Variants in UBN1 observed in about 807,000 individuals in gnomAD.
The protein encoded by UBN1 is ubinuclein-1.
A neutral mutation model predicts 108.5 loss-of-function variants in UBN1; 17 were observed. The ratio of observed to expected loss-of-function variants is 0.16; its 90% confidence interval spans 0.11 to 0.24. UBN1 has a LOEUF of 0.24. Ranked by LOEUF, UBN1 falls within the 10% of genes least tolerant of loss-of-function variation. UBN1 has a pLI of 1.00. For synonymous variants in UBN1, 726 were observed against 564.2 expected (o/e 1.29, Z -4.07); for missense variants, 1,595 against 1,394.4 (o/e 1.14, Z -2.29).
At position 4,870,661 on chromosome 16, in the gene UBN1, G is replaced by A. The variant is rs184811701; in HGVS notation, c.1430+27G>A. 1.3e-5 allele frequency: 21 copies of A among 1,612,934 alleles called. No individual in the cohort carries two copies. The African/African-American group carries it at 1.7e-4, about 13-fold the overall frequency. On this transcript the variant is annotated intron_variant, in intron 10 of 17. Coordinates refer to ENST00000262376, the MANE Select transcript of UBN1 (RefSeq NM_001079514.3). ...TAAGTTTGTCCTGGCGCTTGCAGGT[G>A]CAACCCTCCCGTCTTGCCTCTTCCC...
At chr16:4,855,968 T>TCTGATTGC (rs1035643249) in intron 2 of UBN1, among the ~76,000 whole-genome samples, 1 of 152,138 alleles carries the variant, frequency 6.6e-6, no homozygotes, top group Non-Finnish European at 1.5e-5. Flanking sequence ...TTGATTGAGA[T>TCTGATTGC]CTGATTGCCT....
intron 8 of UBN1, among the ~76,000 whole-genome samples, chr16:4,869,592 A>G (rs1196736825): frequency 2.0e-5 from 3 of 152,148 alleles, no homozygotes; most frequent in South Asian, 2.1e-4. Flanking sequence ...TGGGTGTTCT[A>G]CCACATGGCC....
In UBN1 at chr16:4,880,161, G is replaced by A; in HGVS notation, c.*29G>A. On this transcript the variant is annotated 3_prime_UTR_variant, in exon 18 of 18. Coordinates refer to ENST00000262376, the MANE Select transcript of UBN1 (RefSeq NM_001079514.3). ...CTTCAGAGGCAAGGCTTGCCACTTG[G>A]GTCTGGGTGGAATCAGAACGTGCAG... 6.2e-7 allele frequency: 1 copy of A among 1,612,858 alleles called. No homozygotes were observed. The highest frequency in any genetic ancestry group is 8.5e-7 in the Non-Finnish European group (1 of 1,179,042).
intron 15 of UBN1, among the ~76,000 whole-genome samples, chr16:4,876,039 A>T (rs148348103): frequency 1.3e-5 from 2 of 151,214 alleles, no homozygotes; most frequent in Admixed American, 1.3e-4. Flanking sequence ...GCTCAGCGCA[A>T]GCTCCACCTC....
chr16:4,870,455 T>C (rs2087571914), intron 9 of UBN1, 61 bp from the exon 10 acceptor site: 1 of 1,611,778 alleles, frequency 6.2e-7, no homozygotes, highest in Non-Finnish European at 8.5e-7. Flanking sequence ...CACCCCATCA[T>C]GCGTCCTGAG....
rs9934568 is a variant in UBN1, at chr16:4,868,361, G to A, written c.1111-472G>A. ...GTATACCATAAGTAGATTAGGAATT[G>A]TCAAAGAGTTTTAATGTCCTTAAGT... On this transcript the variant is annotated intron_variant, in intron 7 of 17. Coordinates refer to ENST00000262376, the MANE Select transcript of UBN1 (RefSeq NM_001079514.3). Among the ~76,000 whole-genome samples the A allele has an allele frequency of 6.2e-3, 951 of 152,252 alleles. 8 individuals are homozygous for A. Among genetic ancestry groups the A allele is most frequent in the African/African-American group, 0.022 (905 of 41,544 alleles).
intron 12 of UBN1, chr16:4,872,048 A>G (rs1181755786): frequency 3.0e-6 from 1 of 336,542 alleles, no homozygotes; most frequent in Admixed American, 6.5e-5. Context: ...CCTTGTACGA[A>G]GTCACTTCCT....
intron 12 of UBN1, among the ~76,000 whole-genome samples, chr16:4,872,524 A>G (rs1428180730): frequency 6.6e-6 from 1 of 152,170 alleles, no homozygotes; most frequent in Non-Finnish European, 1.5e-5. Flanking sequence ...ACTGGAGTGC[A>G]ATGGCACGAT....
chr16:4,880,441 T>C lies in UBN1; in HGVS notation c.*309T>C. 3.0e-6 allele frequency: 1 copy of C among 334,286 alleles called. No homozygotes were observed. Among genetic ancestry groups the C allele is most frequent in the Non-Finnish European group, 5.7e-6 (1 of 174,188 alleles). The allele number at this position is 334,286 out of a possible 1,614,324, so 20.7% of individuals were successfully genotyped here. Reference sequence around the variant, plus strand: ...GGTGGGAGGCACAGTGTTTACAGGCTCTGGTGGCAGAGCAGTTGGCACACC... The same window carrying C: ...GGTGGGAGGCACAGTGTTTACAGGCCCTGGTGGCAGAGCAGTTGGCACACC... On this transcript the variant is annotated 3_prime_UTR_variant, in exon 18 of 18. Transcript: ENST00000262376.
Position 4,874,853 on chromosome 16 carries a change from A to C in UBN1, c.2443A>C (p.Lys815Gln), listed in dbSNP as rs767644761. The C allele has an allele frequency of 1.9e-6, 3 of 1,614,100 alleles. No homozygotes were observed. The highest frequency in any genetic ancestry group is 2.5e-6 in the Non-Finnish European group (3 of 1,180,040). The change falls in exon 15 of 18, where the codon AAA (lysine) becomes CAA (glutamine). Residue 815 changes from lysine to glutamine, a missense_variant. Coordinates refer to ENST00000262376, the MANE Select transcript of UBN1 (RefSeq NM_001079514.3). ...CTTTCATGCCGGCACTCAGCAGCAG[A>C]AAAACTTCACGCCCCCATCTCCATT... ...KVFHAGTQQQ[K>Q]NFTPPSPFAN...
At position 4,847,536 on chromosome 16, in the gene UBN1, G is replaced by T; in HGVS notation, c.-714G>T. Reference sequence around the variant, plus strand: ...AACGAAGCGCCCGCGGTCTGAGGCGGCGGCGGCGGCGACGGTGCGACCGGC... The same window carrying T: ...AACGAAGCGCCCGCGGTCTGAGGCGTCGGCGGCGGCGACGGTGCGACCGGC... On this transcript the variant is annotated 5_prime_UTR_variant, in exon 1 of 18. Transcript: ENST00000262376. 1 of 465,344 alleles carries T rather than the reference G, an allele frequency of 2.1e-6. No homozygotes were observed. The highest frequency in any genetic ancestry group is 4.7e-5 in the Admixed American group (1 of 21,482). The allele number at this position is 465,344 out of a possible 1,614,324, so 28.8% of individuals were successfully genotyped here.
intron 2 of UBN1, among the ~76,000 whole-genome samples, chr16:4,854,336 C>T (rs911266589): frequency 9.5e-6 from 1 of 105,178 alleles, no homozygotes; most frequent in African/African-American, 4.9e-5. Flanking sequence ...CCTGGCCTCT[C>T]TTTTTTGTTG....
Position 4,872,875 on chromosome 16 carries a change from G to C in UBN1, c.1707-9G>C, listed in dbSNP as rs748196513. On this transcript the variant is annotated splice_polypyrimidine_tract_variant and intron_variant, in intron 12 of 17. Coordinates refer to ENST00000262376, the MANE Select transcript of UBN1 (RefSeq NM_001079514.3). ...CATGTACAGATGCCTGGTGTTCTGT[G>C]TCTTTCAGAACTCTGTTTAAGGAGA... The C allele has an allele frequency of 9.9e-6, 16 of 1,614,208 alleles. No homozygotes were observed. In the South Asian group the frequency reaches 1.2e-4, roughly 12 times the overall value.
intron 17 of UBN1, among the ~76,000 whole-genome samples, chr16:4,878,366 C>G (rs954386016): frequency 2.0e-5 from 3 of 152,268 alleles, no homozygotes; most frequent in African/African-American, 7.2e-5. Flanking sequence ...CGAGGTAACC[C>G]TGGCGAACTG....
chr16:4,861,397 C>T (rs368792662), intron 7 of UBN1, among the ~76,000 whole-genome samples: 1 of 152,120 alleles, frequency 6.6e-6, no homozygotes, highest in South Asian at 2.1e-4. Flanking sequence ...TCTTTTCCTT[C>T]ATGTGATAGA....
chr16:4,864,481 T>C (rs1469030004), intron 7 of UBN1, among the ~76,000 whole-genome samples: 1 of 152,246 alleles, frequency 6.6e-6, no homozygotes, highest in Non-Finnish European at 1.5e-5. Flanking sequence ...CACATCAGCC[T>C]GTTTTTTGTT....
rs1034652675 is a variant in UBN1 at position 4,860,208 on chromosome 16, C to T, written c.671+240C>T. ...TCACTGTGTGACTGCTGATGTTTCTCGTCCTCTGGGGTGCTCCTCTCTGCC... is the reference window on the plus strand; with the variant it reads ...TCACTGTGTGACTGCTGATGTTTCTTGTCCTCTGGGGTGCTCCTCTCTGCC... On this transcript the variant is annotated intron_variant, in intron 6 of 17. Coordinates refer to ENST00000262376, the MANE Select transcript of UBN1 (RefSeq NM_001079514.3). Among the ~76,000 whole-genome samples the T allele has an allele frequency of 3.3e-5, 5 of 152,188 alleles. No homozygotes were observed. The South Asian group carries it at 6.2e-4, about 19-fold the overall frequency.
intron 10 of UBN1, 65 bp downstream of exon 10, chr16:4,870,699 G>T (rs189372306): frequency 2.5e-6 from 4 of 1,600,440 alleles, no homozygotes; most frequent in South Asian, 1.1e-5. Flanking sequence ...CCCGTTTCTC[G>T]GTGTGTACTG....
In UBN1 at chr16:4,861,105, A is replaced by G. The variant is rs753031112; in HGVS notation, c.1110+3A>G. 1.9e-6 allele frequency: 3 copies of G among 1,610,648 alleles called. No individual in the cohort carries two copies. Among genetic ancestry groups the G allele is most frequent in the Non-Finnish European group, 2.5e-6 (3 of 1,178,490 alleles). On this transcript the variant is annotated splice_donor_region_variant and intron_variant, in intron 7 of 17. Transcript: ENST00000262376. The stretch of plus-strand genomic sequence containing the variant: ...AGCGCGTTAAGGAGCTGGCTCAGGT[A>G]TGGTGGCACAGTGCGGCTGGGCTTT...
Sources: gnomAD v4.1 joint callset for allele counts (sites outside exome capture counted in the v4.1 genomes callset) on GRCh38, gnomAD v4.1.1 for gene constraint, MANE v1.5 for transcripts, NCBI Gene and HGNC (gene_info 2026-07-23, HGNC 2026-07-21) for gene names.